CIITA: variants seen among roughly 807,000 people sequenced by gnomAD.
CIITA encodes the protein MHC class II transactivator.
CIITA carries 72 observed loss-of-function variants against 115.1 expected under a neutral mutation model. The ratio of observed to expected loss-of-function variants is 0.63; its 90% CI spans 0.52 to 0.76. The LOEUF (loss-of-function observed/expected upper bound fraction) is 0.76. Among genes scored for constraint, CIITA ranks in the 30% least tolerant of loss-of-function variants. The pLI, the probability that CIITA is intolerant of heterozygous loss-of-function variation, is 0.00. For synonymous variants in CIITA, 763 were observed against 635.6 expected, an observed-to-expected ratio of 1.20 and a Z score of -3.02; for missense variants, 1,617 against 1,463.8, an observed-to-expected ratio of 1.10 and a Z score of -1.71.
rs761042006 is a variant in CIITA at position 10,907,815 on chromosome 16, G to A, written c.2323G>A (p.Gly775Arg). ...PPARCLGALL[G>R]PSAAASVDRK... The stretch of plus-strand genomic sequence containing the variant: ...CGCCCGCTGCCTGGGAGCCCTACTC[G>A]GGCCATCGGCGGCTGCCTCGGTGGA... Residue 775 changes from glycine to arginine, a missense_variant, in exon 11 of 20, where the codon GGG becomes AGG. Gly to Arg is a moderately radical substitution (Grantham distance 125). Transcript: ENST00000324288. This position sits in a 1 kb window ranked among gnomAD's most constrained non-coding sequence, Gnocchi z 5.0. 3 of 1,613,998 alleles carry A rather than the reference G, an allele frequency of 1.9e-6. No individual in the cohort carries two copies. The highest frequency in any genetic ancestry group is 1.3e-5 in the African/African-American group (1 of 75,066).
chr16:10,933,385 G>A lies in CIITA; in HGVS notation c.*9530G>A, dbSNP rs899806674. ...GGGTGAGGCTCTGAAAGTGGTAGAA[G>A]GGAATTCTTTCCTAGAGTTCAGCTG... is the stretch of plus-strand genomic sequence containing the variant. On this transcript the variant is annotated 3_prime_UTR_variant, in exon 20 of 20. Transcript: ENST00000324288. 15 of 152,310 alleles carry A rather than the reference G, an allele frequency of 9.8e-5. No individual in the cohort carries two copies. Among genetic ancestry groups the A allele is most frequent in the African/African-American group, 3.4e-4 (14 of 41,456 alleles). The allele number at this position is 152,310 out of a possible 1,614,324, so 9.4% of individuals were successfully genotyped here.
intron 1 of CIITA, among the ~76,000 whole-genome samples, 170 bp from the exon 2 acceptor site, chr16:10,895,112 G>A (rs926404988): frequency 6.6e-6 from 1 of 152,172 alleles, no homozygotes; most frequent in Non-Finnish European, 1.5e-5. Flanking sequence ...TGGAGGAAGG[G>A]AATGTGGCTT....
At chr16:10,868,842 G>C (rs1044545682) in intron 1 of CIITA, among the ~76,000 whole-genome samples, 1 of 152,184 alleles carries the variant, frequency 6.6e-6, no homozygotes, top group African/African-American at 2.4e-5. Context: ...TGCACTCGGG[G>C]CCCAGTGTGG....
In CIITA at chr16:10,906,541, G is replaced by C; in HGVS notation, c.1049G>C (p.Gly350Ala). 1 of 1,612,694 alleles carries C rather than the reference G, an allele frequency of 6.2e-7. No homozygotes were observed. The highest frequency in any genetic ancestry group is 8.5e-7 in the Non-Finnish European group (1 of 1,179,982). The change falls in exon 11 of 20, where the codon GGT becomes GCT. Residue 350 changes from glycine to alanine, a missense_variant. By Grantham distance (60) the Gly-to-Ala change is moderately conservative. Coordinates refer to ENST00000324288, the MANE Select transcript of CIITA (RefSeq NM_000246.4). ...QFYRSLQDTY[G>A]AEPAGPDGIL... The stretch of plus-strand genomic sequence containing the variant: ...TACCGCTCACTGCAGGACACGTATG[G>C]TGCCGAGCCCGCAGGCCCGGATGGC...
chr16:10,892,611 A>T (rs1188023591), intron 1 of CIITA, among the ~76,000 whole-genome samples: 1 of 152,156 alleles, frequency 6.6e-6, no homozygotes, highest in African/African-American at 2.4e-5. Flanking sequence ...GTGTGACTTT[A>T]TTTGGGAAAA....
chr16:10,886,180 C>T (rs1328000425), intron 1 of CIITA, among the ~76,000 whole-genome samples: 1 of 151,896 alleles, frequency 6.6e-6, no homozygotes, highest in East Asian at 1.9e-4. Flanking sequence ...TCAGGTGATC[C>T]ACCCGCCTCG....
intron 1 of CIITA, among the ~76,000 whole-genome samples, chr16:10,871,780 C>T (rs994758147): frequency 5.3e-5 from 8 of 152,152 alleles, no homozygotes; most frequent in African/African-American, 9.7e-5. Context: ...GATGTGTTGG[C>T]GAGGAAGACT....
At chr16:10,880,391 A>C (rs1214497636) in intron 1 of CIITA, among the ~76,000 whole-genome samples, 1 of 152,240 alleles carries the variant, frequency 6.6e-6, no homozygotes, top group Non-Finnish European at 1.5e-5. Flanking sequence ...CTCAAGTCAG[A>C]GACACTGGGA....
chr16:10,885,049 C>T (rs2036800350), intron 1 of CIITA, among the ~76,000 whole-genome samples: 1 of 152,076 alleles, frequency 6.6e-6, no homozygotes, highest in Non-Finnish European at 1.5e-5. Context: ...TAAAATGTGT[C>T]CAGGCAGAAG....
downstream of CIITA, chr16:10,937,243 T>C (rs2041041548): frequency 6.6e-6 from 1 of 152,316 alleles, no homozygotes; most frequent in African/African-American, 2.4e-5. The surrounding 1 kb of genome is among the most constrained non-coding windows in gnomAD (Gnocchi z 4.2). Flanking sequence ...TGTGTCACCA[T>C]TGTCTGTCTC....
Position 10,909,804 on chromosome 16 carries a change from G to A in CIITA, c.2817-384G>A, listed in dbSNP as rs537836110. On this transcript the variant is annotated intron_variant, in intron 12 of 19. Transcript: ENST00000324288. ...GCTAGAATACAGTAGTGCGATCATA[G>A]CTTACTGTAGCTTCGGAACTCCTGA... 2.4e-4 allele frequency among the ~76,000 whole-genome samples: 37 copies of A among 152,282 alleles called. No individual in the cohort carries two copies. In the South Asian group the frequency reaches 7.0e-3, roughly 29 times the overall value.
chr16:10,867,324 G>GGC (rs200584543), intron 1 of CIITA, among the ~76,000 whole-genome samples: 85 of 32,806 alleles, frequency 2.6e-3, no homozygotes, highest in Middle Eastern at 0.029. Flanking sequence ...TGTGTGTGTT[G>GGC]GGGGGGGGCA....
chr16:10,867,306 G>A (rs558376142), intron 1 of CIITA, among the ~76,000 whole-genome samples: 1 of 133,816 alleles, frequency 7.5e-6, no homozygotes, highest in South Asian at 2.6e-4. Flanking sequence ...GCTGAAAGCA[G>A]AGCCCACTGT....
rs951061219 is a variant in CIITA at position 10,933,843 on chromosome 16, C to T, written c.*9988C>T. Reference sequence around the variant, plus strand: ...GACAGACGTCACCCTCCCCTACTCACGCAGCCATTCTGATCCTCCACGCTG... The same window carrying T: ...GACAGACGTCACCCTCCCCTACTCATGCAGCCATTCTGATCCTCCACGCTG... On this transcript the variant is annotated 3_prime_UTR_variant, in exon 20 of 20. Coordinates refer to ENST00000324288, the MANE Select transcript of CIITA (RefSeq NM_000246.4). 1.3e-5 allele frequency: 2 copies of T among 152,384 alleles called. No individual in the cohort carries two copies. Among genetic ancestry groups the T allele is most frequent in the African/African-American group, 2.4e-5 (1 of 41,574 alleles). The allele number at this position is 152,384 out of a possible 1,614,324, so 9.4% of individuals were successfully genotyped here. A position where few individuals can be genotyped will look rare whatever the true frequency, so the allele number is the denominator to read the frequency against.
chr16:10,901,700 G>C lies in CIITA; in HGVS notation c.481+142G>C, dbSNP rs562262750. 4.3e-6 allele frequency: 4 copies of C among 940,524 alleles called. No individual in the cohort carries two copies. In the South Asian group the frequency reaches 5.7e-5, roughly 13 times the overall value. 58.3% of individuals were successfully genotyped at this position (940,524 alleles called of 1,614,324 possible). The stretch of plus-strand genomic sequence containing the variant: ...TTCTTTGGGTAGAGGCTGAGAGCTT[G>C]GGGTCCCTTAGAGTCCTCTAAGGGG... On this transcript the variant is annotated intron_variant, in intron 6 of 19. Coordinates refer to ENST00000324288, the MANE Select transcript of CIITA (RefSeq NM_000246.4). The surrounding 1 kb of genome is among the most constrained non-coding windows in gnomAD (Gnocchi z 6.8).
chr16:10,921,761 G>A (rs925577997), intron 16 of CIITA, among the ~76,000 whole-genome samples: 1 of 152,186 alleles, frequency 6.6e-6, no homozygotes, highest in African/African-American at 2.4e-5. Flanking sequence ...ACAGAGAAGT[G>A]GTCTCAACTC....
chr16:10,903,578 A>C (rs2038934119), intron 8 of CIITA, among the ~76,000 whole-genome samples, 153 bp from the exon 9 acceptor site: 1 of 152,168 alleles, frequency 6.6e-6, no homozygotes, highest in Non-Finnish European at 1.5e-5. Context: ...CTCTTTCTTC[A>C]GCTCTGTCCT....
chr16:10,875,911 A>T (rs1461979992), upstream of CIITA, among the ~76,000 whole-genome samples: 1 of 152,210 alleles, frequency 6.6e-6, no homozygotes, highest in African/African-American at 2.4e-5. Context: ...CGGAGCTTGC[A>T]GTGAGCCAAG....
chr16:10,876,312 G>A (rs1306050704), upstream of CIITA, among the ~76,000 whole-genome samples: 1 of 152,192 alleles, frequency 6.6e-6, no homozygotes, highest in Non-Finnish European at 1.5e-5. Flanking sequence ...ACCTGGCCCA[G>A]CCATCTACTT....
Sources: allele counts gnomAD v4.1 joint callset (sites outside exome capture counted in the v4.1 genomes callset), GRCh38; gene constraint gnomAD v4.1.1; non-coding constraint Gnocchi (gnomAD v3.1); transcripts MANE v1.5; gene names NCBI Gene and HGNC (gene_info 2026-07-23, HGNC 2026-07-21).